The following SYNE1 variants were observed in gnomAD, a reference collection of about 807,000 sequenced individuals.
The protein encoded by SYNE1 is spectrin repeat containing nuclear envelope protein 1.
SYNE1 carries 616 observed loss-of-function variants against 1,111.0 expected under a neutral mutation model. The ratio of observed to expected loss-of-function variants is 0.55; its 90% CI spans 0.52 to 0.59. The LOEUF is 0.59. Among genes scored for constraint, SYNE1 ranks in the 20% least tolerant of loss-of-function variants. The probability of loss-of-function intolerance (pLI) is 0.00; values close to 1 mark genes in which losing one functional copy is unlikely to be tolerated. For missense variants in SYNE1, 10,006 were observed against 10,417.0 expected (o/e 0.96, Z 1.72); for synonymous variants, 3,855 against 3,825.8 (o/e 1.01, Z -0.28).
At chr6:152,340,808 G>A (rs1338893769) in intron 74 of SYNE1, among the ~76,000 whole-genome samples, 5 of 152,174 alleles carry the variant, frequency 3.3e-5, no homozygotes, top group African/African-American at 9.7e-5. Flanking sequence ...CGTGGAGAAC[G>A]GCTTGCCACA....
At chr6:152,223,272 T>C (rs2080618816) in intron 117 of SYNE1, among the ~76,000 whole-genome samples, 1 of 152,066 alleles carries the variant, frequency 6.6e-6, no homozygotes, top group East Asian at 1.9e-4. Flanking sequence ...GGTTAAGAAA[T>C]TATATAGACA....
rs372305836 is a variant in SYNE1, at chr6:152,145,550, T to A, written c.24977-1785A>T. The A allele has an allele frequency of 3.3e-5, 54 of 1,613,804 alleles. No homozygotes were observed. Among genetic ancestry groups the A allele is most frequent in the Non-Finnish European group, 4.3e-5 (51 of 1,179,900 alleles). The stretch of plus-strand genomic sequence containing the variant: ...TAGGCCTCAGGGCTTTCGGGGATCA[T>A]TACATCTGCAAAAAAAGCACAGTCT... On this transcript the variant is annotated intron_variant, in intron 137 of 145. Coordinates refer to ENST00000367255, the MANE Select transcript of SYNE1 (RefSeq NM_182961.4).
intron 3 of SYNE1, among the ~76,000 whole-genome samples, chr6:152,615,812 A>G (rs894372428): frequency 2.6e-5 from 4 of 152,240 alleles, no homozygotes; most frequent in South Asian, 2.1e-4. Flanking sequence ...CTTTCTCAAC[A>G]AAGTGTTTTC....
chr6:152,616,023 ATTACTAG>A (rs2099645077), intron 3 of SYNE1, among the ~76,000 whole-genome samples: 1 of 152,226 alleles, frequency 6.6e-6, no homozygotes, highest in Non-Finnish European at 1.5e-5. Context: ...AAGCAAAGTA[ATTACTAG>A]TTTCTCATCA....
chr6:152,576,081 G>A, intron 3 of SYNE1, among the ~76,000 whole-genome samples: 1 of 152,174 alleles, frequency 6.6e-6, no homozygotes, highest in East Asian at 1.9e-4. Flanking sequence ...AATTGTTCCT[G>A]CTGTGTTTTT....
intron 127 of SYNE1, among the ~76,000 whole-genome samples, chr6:152,190,973 T>C (rs1259092474): frequency 6.6e-6 from 1 of 152,192 alleles, no homozygotes; most frequent in East Asian, 1.9e-4. Flanking sequence ...TTTTTGAGGG[T>C]TTTTATCAGG....
chr6:152,323,397 C>T, intron 82 of SYNE1, 81 bp downstream of exon 82: 1 of 1,584,722 alleles, frequency 6.3e-7, no homozygotes, highest in Non-Finnish European at 8.5e-7. Flanking sequence ...CGAGATCACA[C>T]ATTTGCACTC....
chr6:152,198,517 CT>C (rs1179755925), intron 127 of SYNE1, among the ~76,000 whole-genome samples: 1 of 152,182 alleles, frequency 6.6e-6, no homozygotes, highest in Non-Finnish European at 1.5e-5. Context: ...CACAAGAGGC[CT>C]AGCTTTTGGC....
chr6:152,570,880 A>G (rs547381008), intron 3 of SYNE1, among the ~76,000 whole-genome samples: 2 of 152,196 alleles, frequency 1.3e-5, no homozygotes, highest in Non-Finnish European at 2.9e-5. Flanking sequence ...TAAGTAAGGT[A>G]AGCATCTATC....
intron 3 of SYNE1, among the ~76,000 whole-genome samples, chr6:152,549,940 A>G (rs1047634741): frequency 1.3e-5 from 2 of 152,198 alleles, no homozygotes; most frequent in African/African-American, 4.8e-5. Context: ...GGCAGATGGG[A>G]TGAAAGGAAT....
At chr6:152,596,266 G>GT (rs1480694776) in intron 3 of SYNE1, among the ~76,000 whole-genome samples, 1,653 of 118,650 alleles carry the variant, frequency 0.014, 89 homozygotes, top group African/African-American at 0.063. Flanking sequence ...TTTTTTGTTT[G>GT]TTTGTTTTTT....
At position 152,352,174 on chromosome 6, in the gene SYNE1, C is replaced by T. The variant is rs1554518259; in HGVS notation, c.11433G>A (p.Leu3811=). Residue 3811 remains leucine (L), a synonymous_variant, in exon 70 of 146, where the codon CTG becomes CTA. Transcript: ENST00000367255. ...CCTTTGCTAAATGAAGACCTTTTTC[C>T]AGCGTCATGTGTTCTTTCCGGACAG... ...TSTVRKEHMT[L]EKGLHLAKEF... is the part of the protein sequence containing the mutation. The T allele has an allele frequency of 6.2e-7, 1 of 1,614,146 alleles. No homozygotes were observed. The highest frequency in any genetic ancestry group is 1.3e-5 in the African/African-American group (1 of 75,034).
At chr6:152,455,630 C>A in intron 23 of SYNE1, 40 bp from the exon 24 acceptor site, 1 of 1,611,940 alleles carries the variant, frequency 6.2e-7, no homozygotes, top group Non-Finnish European at 8.5e-7. Context: ...GCTGCTTTCT[C>A]ATTACTGAAA....
intron 50 of SYNE1, among the ~76,000 whole-genome samples, chr6:152,396,474 A>G (rs1053982509): frequency 2.7e-4 from 41 of 152,188 alleles, no homozygotes; most frequent in Non-Finnish European, 5.4e-4. Flanking sequence ...GTATAATCTA[A>G]AAATTGAGGT....
rs1278080153 is a variant in SYNE1 at position 152,511,116 on chromosome 6, G to A, written c.310-13C>T. The A allele has an allele frequency of 1.9e-6, 3 of 1,605,774 alleles. No individual in the cohort carries two copies. The Admixed American group carries it at 5.0e-5, about 27-fold the overall frequency. ...TGACTAATTTAATCTGTTTAAAAAA[G>A]AGAAACTGTACTAGTAATGTACTAG... On this transcript the variant is annotated splice_polypyrimidine_tract_variant and intron_variant, in intron 6 of 145. Transcript: ENST00000367255.
intron 128 of SYNE1, 43 bp from the exon 129 acceptor site, chr6:152,180,337 A>G (rs1241872717): frequency 6.3e-7 from 1 of 1,592,360 alleles, no homozygotes; most frequent in South Asian, 1.1e-5. Context: ...TGATTATCAG[A>G]GAGAAGACCA....
intron 57 of SYNE1, 64 bp from the exon 58 acceptor site, chr6:152,376,622 T>C (rs2097286435): frequency 6.3e-7 from 1 of 1,594,620 alleles, no homozygotes; most frequent in Non-Finnish European, 8.6e-7. Context: ...AAATCATGTT[T>C]GATAGAATCA....
chr6:152,334,308 G>A (rs1175379468), intron 76 of SYNE1, 35 bp from the exon 77 acceptor site: 7 of 1,608,698 alleles, frequency 4.4e-6, no homozygotes, highest in Non-Finnish European at 5.1e-6. Context: ...TATGTAATGT[G>A]TTAAGAAATG....
intron 115 of SYNE1, among the ~76,000 whole-genome samples, chr6:152,229,217 G>A (rs1163430807): frequency 6.6e-6 from 1 of 152,150 alleles, no homozygotes; most frequent in African/African-American, 2.4e-5. Flanking sequence ...TTACTTCACT[G>A]TTTAGTTTTC....
Sources: allele counts gnomAD v4.1 joint callset (sites outside exome capture counted in the v4.1 genomes callset), GRCh38; gene constraint gnomAD v4.1.1; transcripts MANE v1.5; gene names NCBI Gene and HGNC (gene_info 2026-07-23, HGNC 2026-07-21).